CFAP300: variants seen among roughly 807,000 people sequenced by gnomAD.
CFAP300 encodes cilia- and flagella-associated protein 300.
A neutral mutation model predicts 33.0 loss-of-function variants in CFAP300; 32 were observed. That is an observed-to-expected ratio of 0.97 (90% CI 0.73 to 1.30). The LOEUF (loss-of-function observed/expected upper bound fraction) is 1.30. Among genes scored for constraint, CFAP300 ranks in the 50% most tolerant of loss-of-function variants. The pLI, the probability that CFAP300 is intolerant of heterozygous loss-of-function variation, is 0.00. For missense variants in CFAP300, 356 were observed against 318.1 expected (o/e 1.12, Z -0.90); for synonymous variants, 102 against 106.8 (o/e 0.95, Z 0.28).
intron 4 of CFAP300, among the ~76,000 whole-genome samples, chr11:102,067,130 A>G (rs1382072902): frequency 6.6e-6 from 1 of 152,198 alleles, no homozygotes. Flanking sequence ...GTTTGAGCCC[A>G]GGAGTTCAAG....
chr11:102,066,917 C>G (rs572353821), intron 4 of CFAP300, among the ~76,000 whole-genome samples: 1 of 152,318 alleles, frequency 6.6e-6, no homozygotes, highest in African/African-American at 2.4e-5. Context: ...CGTCATATAA[C>G]TCACAGGACA....
intron 3 of CFAP300, among the ~76,000 whole-genome samples, chr11:102,062,973 T>C (rs1202175015): frequency 6.6e-6 from 1 of 152,230 alleles, no homozygotes; most frequent in Non-Finnish European, 1.5e-5. Flanking sequence ...GCTGTGAACA[T>C]GCGCTATTCT....
rs565953323 is a variant in CFAP300, at chr11:102,083,112, A to C, written c.717A>C (p.Glu239Asp). ...GCTATCCTTCAGCAAAGAATCATGA[A>C]CAGACATTTTCTTACTTTATTGTGG... ...GMCYPSAKNH[E>D]QTFSYFIVDP... The change falls in exon 7 of 7, where the codon GAA becomes GAC. Residue 239 changes from glutamate (E) to aspartate (D), a missense_variant. Coordinates refer to ENST00000434758, the MANE Select transcript of CFAP300 (RefSeq NM_032930.3). The C allele has an allele frequency of 1.9e-6, 3 of 1,551,262 alleles. No individual in the cohort carries two copies. Among genetic ancestry groups the C allele is most frequent in the African/African-American group, 1.4e-5 (1 of 72,724 alleles).
chr11:102,083,298 G>A lies in CFAP300; in HGVS notation c.*99G>A. On this transcript the variant is annotated 3_prime_UTR_variant, in exon 7 of 7. Transcript: ENST00000434758. ...ACATATACTTTGCAAATTAATTCAAGAAAAATGTAAGGAGCCTACTTAGAG... is the reference window on the plus strand; with the variant it reads ...ACATATACTTTGCAAATTAATTCAAAAAAAATGTAAGGAGCCTACTTAGAG... The A allele has an allele frequency of 9.7e-7, 1 of 1,028,448 alleles. No individual in the cohort carries two copies. The highest frequency in any genetic ancestry group is 1.3e-6 in the Non-Finnish European group (1 of 793,026). The allele number at this position is 1,028,448 out of a possible 1,614,324, so 63.7% of individuals were successfully genotyped here.
Position 102,075,865 on chromosome 11 carries a change from C to A in CFAP300, c.436-8C>A. ...TATGTTACATTAAGATGAATTTTATCGTCTTAGGTTTTGCTAGTGGAAGAC... is the reference window on the plus strand; with the variant it reads ...TATGTTACATTAAGATGAATTTTATAGTCTTAGGTTTTGCTAGTGGAAGAC... On this transcript the variant is annotated splice_polypyrimidine_tract_variant and splice_region_variant and intron_variant, in intron 4 of 6. Coordinates refer to ENST00000434758, the MANE Select transcript of CFAP300 (RefSeq NM_032930.3). 6.4e-7 allele frequency: 1 copy of A among 1,571,090 alleles called. No homozygotes were observed. The highest frequency in any genetic ancestry group is 8.7e-7 in the Non-Finnish European group (1 of 1,154,942).
chr11:102,049,289 C>A (rs1054580677), intron 2 of CFAP300, among the ~76,000 whole-genome samples: 10 of 152,240 alleles, frequency 6.6e-5, no homozygotes, highest in African/African-American at 2.4e-4. Flanking sequence ...GCAGAACTTT[C>A]TTCTCTTCCT....
At chr11:102,079,613 CCTCTT>C (rs1565398834) in intron 5 of CFAP300, among the ~76,000 whole-genome samples, 1 of 152,150 alleles carries the variant, frequency 6.6e-6, no homozygotes, top group Non-Finnish European at 1.5e-5. Context: ...TTTTCCTCCT[CCTCTT>C]CTTTCTTCTC....
At chr11:102,063,208 C>T (rs1015245489) in intron 3 of CFAP300, among the ~76,000 whole-genome samples, 2 of 152,222 alleles carry the variant, frequency 1.3e-5, no homozygotes, top group African/African-American at 2.4e-5. Flanking sequence ...ACTGCCACCT[C>T]GGTGGGTCCA....
intron 2 of CFAP300, among the ~76,000 whole-genome samples, chr11:102,058,486 C>A (rs1942092305): frequency 6.7e-6 from 1 of 149,886 alleles, no homozygotes; most frequent in Admixed American, 6.7e-5. Flanking sequence ...TTAGATTTTT[C>A]ACTTTTTTAC....
chr11:102,061,612 T>A (rs1490668311), intron 3 of CFAP300, among the ~76,000 whole-genome samples: 1 of 152,242 alleles, frequency 6.6e-6, no homozygotes, highest in Non-Finnish European at 1.5e-5. Context: ...CATGAAACAA[T>A]GCAAGAAAGG....
chr11:102,077,859 G>A (rs897137488), intron 5 of CFAP300, among the ~76,000 whole-genome samples: 2 of 152,268 alleles, frequency 1.3e-5, no homozygotes, highest in Middle Eastern at 3.4e-3. Flanking sequence ...ACAGGCGTGA[G>A]CCACTGCACC....
At chr11:102,058,302 T>G (rs1312353681) in intron 2 of CFAP300, among the ~76,000 whole-genome samples, 1 of 151,790 alleles carries the variant, frequency 6.6e-6, no homozygotes, top group Non-Finnish European at 1.5e-5. Flanking sequence ...TTTTCTTATT[T>G]CATGTCAGAC....
intron 3 of CFAP300, among the ~76,000 whole-genome samples, chr11:102,060,417 A>G (rs1457498729): frequency 1.3e-5 from 2 of 151,836 alleles, no homozygotes; most frequent in Admixed American, 1.3e-4. Flanking sequence ...GCGCCCAGCT[A>G]GATTATATTT....
intron 2 of CFAP300, 127 bp from the exon 3 acceptor site, chr11:102,058,753 A>C: frequency 1.6e-6 from 1 of 617,230 alleles, no homozygotes. Flanking sequence ...TTTATTACTC[A>C]GACATTTTAC....
intron 3 of CFAP300, among the ~76,000 whole-genome samples, chr11:102,063,025 T>A (rs1412751746): frequency 6.6e-6 from 1 of 152,258 alleles, no homozygotes; most frequent in African/African-American, 2.4e-5. Context: ...TTCAGAGATC[T>A]TCAGGGCCAT....
intron 2 of CFAP300, among the ~76,000 whole-genome samples, chr11:102,048,822 CTCAA>C (rs1348634748): frequency 1.3e-5 from 2 of 150,690 alleles, no homozygotes; most frequent in African/African-American, 4.9e-5. Flanking sequence ...TTTTTTTCTC[CTCAA>C]TCAAATGGAA....
At chr11:102,080,620 G>A (rs995280314) in intron 5 of CFAP300, among the ~76,000 whole-genome samples, 6 of 151,978 alleles carry the variant, frequency 3.9e-5, no homozygotes, top group South Asian at 2.1e-4. Flanking sequence ...GGCTGGTCTC[G>A]AACTCCCGAC....
chr11:102,053,420 G>A (rs1246070010), intron 2 of CFAP300, among the ~76,000 whole-genome samples: 4 of 150,804 alleles, frequency 2.7e-5, no homozygotes, highest in African/African-American at 9.8e-5. Flanking sequence ...GCATGGTGGC[G>A]GGTGCCTATA....
chr11:102,062,956 C>CT (rs1456560567), intron 3 of CFAP300, among the ~76,000 whole-genome samples: 1 of 152,222 alleles, frequency 6.6e-6, no homozygotes, highest in Non-Finnish European at 1.5e-5. Flanking sequence ...GACCATAGAG[C>CT]TATTGGGCTG....
Sources: gnomAD v4.1 joint callset for allele counts (sites outside exome capture counted in the v4.1 genomes callset) on GRCh38, gnomAD v4.1.1 for gene constraint, MANE v1.5 for transcripts, NCBI Gene and HGNC (gene_info 2026-07-23, HGNC 2026-07-21) for gene names.